Variants in TXNDC16 observed in about 807,000 individuals in gnomAD.
TXNDC16 encodes thioredoxin domain containing 16, also known as thioredoxin domain-containing protein 16.
A neutral mutation model predicts 85.6 loss-of-function variants in TXNDC16; 74 were observed. That is an observed-to-expected ratio of 0.86 (90% CI 0.72 to 1.05). The LOEUF (loss-of-function observed/expected upper bound fraction) is 1.05. Ranked by LOEUF, TXNDC16 falls within the 50% of genes least tolerant of loss-of-function variation. The pLI is 0.00. For missense variants in TXNDC16, 959 were observed against 947.0 expected (o/e 1.01, Z -0.17); for synonymous variants, 335 against 326.5 (o/e 1.03, Z -0.28).
At chr14:52,548,846 C>T (rs1243587497) in intron 1 of TXNDC16, among the ~76,000 whole-genome samples, 2 of 152,120 alleles carry the variant, frequency 1.3e-5, no homozygotes, top group African/African-American at 4.8e-5. Flanking sequence ...CACACCATTG[C>T]ACTCCAGCCT....
chr14:52,488,087 C>A (rs17831808), intron 12 of TXNDC16, among the ~76,000 whole-genome samples: 13,048 of 152,180 alleles, frequency 0.086, 605 homozygotes, highest in East Asian at 0.14. Context: ...TCCAGAACGG[C>A]TGAAAGAACT....
intron 11 of TXNDC16, among the ~76,000 whole-genome samples, chr14:52,488,831 G>GAAAA (rs199871075): frequency 2.2e-5 from 2 of 89,956 alleles, no homozygotes; most frequent in Non-Finnish European, 2.2e-5. Flanking sequence ...GAGACTCTGG[G>GAAAA]AAAAAAAAAA....
intron 12 of TXNDC16, among the ~76,000 whole-genome samples, chr14:52,487,640 C>A (rs1004732123): frequency 6.6e-6 from 1 of 152,140 alleles, no homozygotes; most frequent in Admixed American, 6.6e-5. Context: ...ATTATTCTAG[C>A]GAAGTATTCT....
intron 18 of TXNDC16, among the ~76,000 whole-genome samples, chr14:52,441,731 T>C (rs180941363): frequency 3.0e-4 from 46 of 152,296 alleles, no homozygotes; most frequent in Admixed American, 2.9e-3. Context: ...ATCTGCCTTT[T>C]TTCAGTTATT....
intron 14 of TXNDC16, among the ~76,000 whole-genome samples, chr14:52,476,400 GA>G (rs2036021173): frequency 6.6e-6 from 1 of 151,922 alleles, no homozygotes; most frequent in Non-Finnish European, 1.5e-5. Flanking sequence ...AGGTGCCAGA[GA>G]AAGGCAAAGC....
chr14:52,481,014 T>C (rs1163490380), intron 14 of TXNDC16, among the ~76,000 whole-genome samples: 1 of 146,726 alleles, frequency 6.8e-6, no homozygotes, highest in African/African-American at 2.5e-5. Context: ...GGAATACTAC[T>C]CAGCCACAAA....
intron 8 of TXNDC16, among the ~76,000 whole-genome samples, chr14:52,513,219 C>A (rs2036997346): frequency 6.6e-6 from 1 of 152,156 alleles, no homozygotes; most frequent in African/African-American, 2.4e-5. Context: ...AATTAATATA[C>A]TAGCCTTAAC....
chr14:52,482,243 T>G lies in TXNDC16; in HGVS notation c.1299A>C (p.Ala433=). 6.2e-7 allele frequency: 1 copy of G among 1,612,112 alleles called. No homozygotes were observed. The highest frequency in any genetic ancestry group is 8.5e-7 in the Non-Finnish European group (1 of 1,178,974). ...ACAGTACACTACCTTTCAGTTTAAC[T>G]GCCACATCAATATAGGATTGCAAAA... ...MAFLQSYIDV[A]VKLKGTSTML... The change falls in exon 14 of 21, where the codon GCA becomes GCC. Residue 433 remains alanine (A), a synonymous_variant. Transcript: ENST00000281741.
Position 52,440,651 on chromosome 14 carries a change from C to T in TXNDC16, c.1916G>A (p.Gly639Asp). ...QKPLLILFSD[G>D]TVNPQYKKAI... ...TTTTTTATACTGAGGATTTACAGTG[C>T]CATCACTGAACAAAATCAATAATGG... The change falls in exon 19 of 21, where the codon GGC (glycine) becomes GAC (aspartate). Residue 639 changes from glycine to aspartate, a missense_variant. Transcript: ENST00000281741. 3 of 1,610,530 alleles carry T rather than the reference C, an allele frequency of 1.9e-6. No individual in the cohort carries two copies. The highest frequency in any genetic ancestry group is 1.3e-5 in the African/African-American group (1 of 74,824).
In TXNDC16 at chr14:52,432,542, T is replaced by C. The variant is rs1272799925; in HGVS notation, c.2240A>G (p.Asp747Gly). ...TGCGGCATCTATCATACTTAGAAAATCATAAGCTGGAAGAGGAGGTTTCCA... is the reference window on the plus strand; with the variant it reads ...TGCGGCATCTATCATACTTAGAAAACCATAAGCTGGAAGAGGAGGTTTCCA... ...QEWKPPLPAY[D>G]FLSMIDAATS... The change falls in exon 21 of 21, where the codon GAT becomes GGT. Residue 747 changes from aspartate (D) to glycine (G), a missense_variant. By Grantham distance (94) the Asp-to-Gly change is moderately conservative. Coordinates refer to ENST00000281741, the MANE Select transcript of TXNDC16 (RefSeq NM_020784.3). 2 of 1,612,148 alleles carry C rather than the reference T, an allele frequency of 1.2e-6. No homozygotes were observed. The highest frequency in any genetic ancestry group is 2.7e-5 in the African/African-American group (2 of 74,804).
intron 9 of TXNDC16, among the ~76,000 whole-genome samples, chr14:52,508,920 G>A (rs559700055): frequency 5.9e-5 from 9 of 152,252 alleles, no homozygotes; most frequent in East Asian, 5.8e-4. Context: ...TGGGGGCAGC[G>A]GGGAGGGATA....
intron 6 of TXNDC16, among the ~76,000 whole-genome samples, chr14:52,534,273 T>A (rs1460352597): frequency 1.3e-5 from 2 of 152,156 alleles, no homozygotes; most frequent in African/African-American, 2.4e-5. Flanking sequence ...AACCACCACC[T>A]TCTCCCAACT....
chr14:52,453,503 AG>A (rs1273864038), intron 18 of TXNDC16, among the ~76,000 whole-genome samples: 7 of 152,262 alleles, frequency 4.6e-5, no homozygotes, highest in African/African-American at 1.7e-4. Context: ...CATAAAAAAA[AG>A]AATGAGATTC....
chr14:52,528,861 A>ATATAATACCTATTATATATATATTATC (rs1566580073), intron 6 of TXNDC16, among the ~76,000 whole-genome samples: 4 of 145,660 alleles, frequency 2.7e-5, no homozygotes, highest in Non-Finnish European at 4.5e-5. Context: ...GTGTGTATAT[A>ATATAATACCTATTATATATATATTATC]TATAATACCT....
intron 1 of TXNDC16, among the ~76,000 whole-genome samples, chr14:52,546,185 G>A (rs117536456): frequency 1.7e-3 from 253 of 152,230 alleles, no homozygotes; most frequent in Middle Eastern, 3.4e-3. Flanking sequence ...TACCAGGGAA[G>A]CTAAGTCGGG....
At chr14:52,462,611 A>C (rs2035678963) in intron 16 of TXNDC16, among the ~76,000 whole-genome samples, 1 of 152,202 alleles carries the variant, frequency 6.6e-6, no homozygotes, top group Non-Finnish European at 1.5e-5. Context: ...ATGTGGAAAT[A>C]TAAGCCACTG....
intron 9 of TXNDC16, among the ~76,000 whole-genome samples, chr14:52,507,635 G>A (rs1485206947): frequency 6.6e-6 from 1 of 152,146 alleles, no homozygotes; most frequent in Non-Finnish European, 1.5e-5. Flanking sequence ...AACAAAGCTG[G>A]AGGCATCATG....
chr14:52,442,111 T>C (rs771680964), intron 18 of TXNDC16, among the ~76,000 whole-genome samples: 1 of 152,202 alleles, frequency 6.6e-6, no homozygotes, highest in Non-Finnish European at 1.5e-5. Flanking sequence ...AATGTATTTG[T>C]AGAAGACAAT....
At chr14:52,513,648 CTG>C (rs10533128) in intron 8 of TXNDC16, among the ~76,000 whole-genome samples, 20,775 of 148,366 alleles carry the variant, frequency 0.14, 1,506 homozygotes, top group Admixed American at 0.17. Context: ...TATACATATT[CTG>C]TGTGTGTGTG....
Sources: allele counts gnomAD v4.1 joint callset (sites outside exome capture counted in the v4.1 genomes callset), GRCh38; gene constraint gnomAD v4.1.1; transcripts MANE v1.5; gene names NCBI Gene and HGNC (gene_info 2026-07-23, HGNC 2026-07-21).